The following MTERF4 variants were observed in gnomAD, a reference collection of about 807,000 sequenced individuals.
MTERF4 encodes the protein mitochondrial transcription termination factor 4.
Under a neutral mutation model 22.5 loss-of-function variants are expected in MTERF4, and 17 were observed. That is an observed-to-expected ratio of 0.75 (90% confidence interval 0.52 to 1.13). The LOEUF (loss-of-function observed/expected upper bound fraction) is 1.13, where lower values mean the gene tolerates loss of function less well. Ranked by LOEUF, MTERF4 falls within the 50% of genes most tolerant of loss-of-function variation. MTERF4 has a pLI of 0.00. For synonymous variants in MTERF4, 165 were observed against 175.3 expected (o/e 0.94, Z 0.47); for missense variants, 420 against 466.8 (o/e 0.90, Z 0.92).
At chr2:241,062,685 T>C in the MTERF4 span, 2 of 774,232 alleles carry the variant, frequency 2.6e-6, no homozygotes, top group East Asian at 2.7e-5. Flanking sequence ...CAACCACTGA[T>C]GATGTATCAT....
the MTERF4 span, among the ~76,000 whole-genome samples, chr2:241,062,234 G>A: frequency 7.9e-5 from 12 of 152,246 alleles, no homozygotes; most frequent in African/African-American, 2.6e-4. Flanking sequence ...GTACACGGTC[G>A]GATGAGCCCA....
chr2:241,081,614 T>G (rs1450803262), intron 4 of MTERF4: 2 of 1,223,740 alleles, frequency 1.6e-6, no homozygotes, highest in African/African-American at 3.0e-5. Context: ...GACAGCAACA[T>G]GTCCATGAGG....
the MTERF4 span, among the ~76,000 whole-genome samples, chr2:241,055,495 G>C: frequency 7.2e-5 from 11 of 152,186 alleles, no homozygotes; most frequent in Non-Finnish European, 1.5e-4. Flanking sequence ...CATTTGGTTA[G>C]GGTGTAGACA....
chr2:241,096,297 T>G lies in MTERF4; in HGVS notation c.847A>C (p.Thr283Pro), dbSNP rs760619901. ...RYQTPDKKGQ[T>P]QIPNPLLKDI... is the part of the protein sequence containing the mutation. ...TTGAGCAATGGGTTAGGGATCTGTG[T>G]CTGCCCCTTCTTATCAGGGGTTTGG... The change falls in exon 4 of 4, where the codon ACA becomes CCA. Residue 283 changes from threonine to proline, a missense_variant. Thr to Pro is a conservative substitution (Grantham distance 38). Transcript: ENST00000391980. This position sits in a 1 kb window ranked among gnomAD's most constrained non-coding sequence, Gnocchi z 5.1. 1 of 1,614,216 alleles carries G rather than the reference T, an allele frequency of 6.2e-7. No homozygotes were observed. Among genetic ancestry groups the G allele is most frequent in the Non-Finnish European group, 8.5e-7 (1 of 1,180,042 alleles).
At chr2:241,049,998 C>T in the MTERF4 span, 6 of 1,130,142 alleles carry the variant, frequency 5.3e-6, no homozygotes, top group Admixed American at 5.2e-5. Context: ...GTCCGCCGTC[C>T]TGCTTCTCTG....
the MTERF4 span, among the ~76,000 whole-genome samples, chr2:241,058,155 G>A: frequency 6.6e-6 from 1 of 152,238 alleles, no homozygotes; most frequent in Non-Finnish European, 1.5e-5. Flanking sequence ...ATTACTATCA[G>A]AAAAAGAAGA....
chr2:241,071,354 G>A, downstream of MTERF4: 3 of 601,278 alleles, frequency 5.0e-6, no homozygotes, highest in East Asian at 2.8e-5. Context: ...TGTCATGGCT[G>A]CGCATGGCTC....
At chr2:241,051,088 G>A in the MTERF4 span, among the ~76,000 whole-genome samples, 1 of 152,192 alleles carries the variant, frequency 6.6e-6, no homozygotes, top group Non-Finnish European at 1.5e-5. This position sits in a 1 kb window ranked among gnomAD's most constrained non-coding sequence, Gnocchi z 4.7. Flanking sequence ...GGAGAGGAGC[G>A]AGCACAGTGG....
At chr2:241,049,797 CCT>C in the MTERF4 span, 3 of 1,594,806 alleles carry the variant, frequency 1.9e-6, no homozygotes. Context: ...CCAGGACCAC[CCT>C]CTGTCCCCCG....
downstream of MTERF4, chr2:241,089,171 ACCAGTTT>A (rs1559320635): frequency 2.3e-6 from 2 of 871,724 alleles, no homozygotes; most frequent in Non-Finnish European, 3.5e-6. Flanking sequence ...ACAACCTGTT[ACCAGTTT>A]CATACTGACC....
chr2:241,063,731 C>G, the MTERF4 span: 2 of 1,429,890 alleles, frequency 1.4e-6, no homozygotes, highest in Middle Eastern at 1.9e-4. Context: ...GCCCCACATG[C>G]AGAGCCTGGG....
At chr2:241,062,707 T>C in the MTERF4 span, 1 of 867,958 alleles carries the variant, frequency 1.2e-6, no homozygotes, top group Non-Finnish European at 1.9e-6. Flanking sequence ...GAATTCTGTC[T>C]GGCCCCTCAG....
At chr2:241,101,862 G>A (rs909492960) in intron 1 of MTERF4, among the ~76,000 whole-genome samples, 1 of 152,138 alleles carries the variant, frequency 6.6e-6, no homozygotes, top group African/African-American at 2.4e-5. Flanking sequence ...AGACCAGACT[G>A]GCCAACACGG....
At chr2:241,064,893 G>A in the MTERF4 span, 4 of 1,584,678 alleles carry the variant, frequency 2.5e-6, no homozygotes, top group East Asian at 2.3e-5. This position sits in a 1 kb window ranked among gnomAD's most constrained non-coding sequence, Gnocchi z 7.0. Flanking sequence ...GCTATTGCCT[G>A]GCCAGCAACG....
At chr2:241,101,482 T>TG (rs1161484012) in intron 1 of MTERF4, among the ~76,000 whole-genome samples, 2 of 152,222 alleles carry the variant, frequency 1.3e-5, no homozygotes, top group African/African-American at 4.8e-5. Context: ...TACCGGGGGT[T>TG]GGGGAACCCC....
At chr2:241,071,103 C>G (rs1466855735), downstream of MTERF4, among the ~76,000 whole-genome samples, 1 of 152,176 alleles carries the variant, frequency 6.6e-6, no homozygotes, top group Non-Finnish European at 1.5e-5. Flanking sequence ...GAGGGCCCAG[C>G]CTGGGAGGCT....
chr2:241,064,877 G>A, the MTERF4 span: 2 of 1,590,238 alleles, frequency 1.3e-6, no homozygotes, highest in Non-Finnish European at 1.7e-6. The surrounding 1 kb of genome is among the most constrained non-coding windows in gnomAD (Gnocchi z 7.0). Flanking sequence ...CCCTGTGGGG[G>A]CCGTGGCTAT....
At chr2:241,084,421 T>C (rs2063481628), downstream of MTERF4, among the ~76,000 whole-genome samples, 1 of 152,178 alleles carries the variant, frequency 6.6e-6, no homozygotes, top group African/African-American at 2.4e-5. Context: ...CCCAAAGTGC[T>C]GGGATTACAG....
At chr2:241,079,184 A>G (rs2063203463) in intron 4 of MTERF4, among the ~76,000 whole-genome samples, 2 of 150,800 alleles carry the variant, frequency 1.3e-5, no homozygotes, top group South Asian at 2.1e-4. Context: ...AGGCCGAGGC[A>G]GGTGGATCAC....
Sources: allele counts gnomAD v4.1 joint callset (sites outside exome capture counted in the v4.1 genomes callset), GRCh38; gene constraint gnomAD v4.1.1; non-coding constraint Gnocchi (gnomAD v3.1); transcripts MANE v1.5; gene names NCBI Gene and HGNC (gene_info 2026-07-23, HGNC 2026-07-21).